KCNIP4: variants seen among roughly 807,000 people sequenced by gnomAD.
KCNIP4 encodes potassium voltage-gated channel interacting protein 4, also known as Kv channel-interacting protein 4.
In KCNIP4, 12 loss-of-function variants were observed where a neutral mutation model predicts 34.0. That is an observed-to-expected ratio of 0.35 (90% confidence interval 0.23 to 0.57). KCNIP4 has a LOEUF of 0.57. KCNIP4 is among the 20% of genes least tolerant of loss of function. KCNIP4 has a pLI of 0.83. For missense variants in KCNIP4, 238 were observed against 311.7 expected (o/e 0.76, Z 1.78); for synonymous variants, 124 against 102.2 (o/e 1.21, Z -1.29).
chr4:20,978,487 G>A (rs577210037), intron 1 of KCNIP4, among the ~76,000 whole-genome samples: 29 of 152,204 alleles, frequency 1.9e-4, no homozygotes, highest in South Asian at 4.1e-4. Context: ...GAGTAAAACA[G>A]TCAACTCCTA....
chr4:21,107,618 A>C (rs1430316240), intron 1 of KCNIP4, among the ~76,000 whole-genome samples: 1 of 149,044 alleles, frequency 6.7e-6, no homozygotes, highest in Admixed American at 6.7e-5. Flanking sequence ...TAATATTGTT[A>C]TGTATGAATT....
chr4:21,789,324 G>T (rs902759142), intron 1 of KCNIP4, among the ~76,000 whole-genome samples: 3 of 152,090 alleles, frequency 2.0e-5, no homozygotes, highest in Non-Finnish European at 4.4e-5. Flanking sequence ...TAAATTTCAG[G>T]TGCAGCATTT....
At chr4:21,223,959 A>G (rs1314730033) in intron 1 of KCNIP4, among the ~76,000 whole-genome samples, 1 of 152,056 alleles carries the variant, frequency 6.6e-6, no homozygotes, top group Non-Finnish European at 1.5e-5. Flanking sequence ...TCCTAAGGCC[A>G]CCTGCTTATC....
chr4:21,240,868 T>C (rs909572598), intron 1 of KCNIP4, among the ~76,000 whole-genome samples: 2 of 152,118 alleles, frequency 1.3e-5, no homozygotes, highest in African/African-American at 4.8e-5. Context: ...TGCTTTAATG[T>C]TGAAGTTTTT....
intron 1 of KCNIP4, among the ~76,000 whole-genome samples, chr4:21,754,508 G>A (rs1470726402): frequency 2.0e-5 from 3 of 152,144 alleles, no homozygotes; most frequent in African/African-American, 7.2e-5. Context: ...CATTATTCCT[G>A]TTTTTCAAAT....
chr4:20,745,524 C>G (rs748651949), intron 5 of KCNIP4, among the ~76,000 whole-genome samples: 1 of 152,160 alleles, frequency 6.6e-6, no homozygotes, highest in African/African-American at 2.4e-5. Flanking sequence ...AAGTGACAAA[C>G]TTAACAACAA....
intron 1 of KCNIP4, among the ~76,000 whole-genome samples, chr4:20,930,393 A>ACTTAAGC: frequency 1.3e-5 from 2 of 152,188 alleles, no homozygotes; most frequent in South Asian, 4.1e-4. Context: ...GTAAGATGTG[A>ACTTAAGC]AACCATAAAA....
intron 1 of KCNIP4, among the ~76,000 whole-genome samples, chr4:21,870,985 G>C (rs1461432256): frequency 6.6e-6 from 1 of 151,412 alleles, no homozygotes; most frequent in Non-Finnish European, 1.5e-5. Context: ...ACTAGTAAAG[G>C]AAAAAAAGAA....
At chr4:21,340,340 T>C (rs1358872858) in intron 1 of KCNIP4, among the ~76,000 whole-genome samples, 1 of 152,184 alleles carries the variant, frequency 6.6e-6, no homozygotes, top group Non-Finnish European at 1.5e-5. Flanking sequence ...AAAAACCTTG[T>C]CAGTATTAAC....
At chr4:21,797,267 T>A (rs1229519027) in intron 1 of KCNIP4, among the ~76,000 whole-genome samples, 1 of 152,198 alleles carries the variant, frequency 6.6e-6, no homozygotes, top group Non-Finnish European at 1.5e-5. Context: ...CGGGCCACTG[T>A]GTGGCTAGGA....
intron 1 of KCNIP4, among the ~76,000 whole-genome samples, chr4:21,819,747 C>G (rs749305896): frequency 6.6e-6 from 1 of 152,044 alleles, no homozygotes; most frequent in East Asian, 1.9e-4. Flanking sequence ...GAAGATGGAA[C>G]GAGGTTTAAT....
At chr4:20,764,370 G>A (rs1003038409) in intron 3 of KCNIP4, among the ~76,000 whole-genome samples, 1 of 151,958 alleles carries the variant, frequency 6.6e-6, no homozygotes, top group Non-Finnish European at 1.5e-5. Context: ...TTTAGTGACT[G>A]CATAATAATG....
At chr4:21,394,947 G>A (rs1722862660) in intron 1 of KCNIP4, among the ~76,000 whole-genome samples, 1 of 12,510 alleles carries the variant, frequency 8.0e-5, no homozygotes, top group African/African-American at 1.2e-4. Flanking sequence ...ACAAAGCACT[G>A]GGCTCACAAG....
chr4:20,837,686 A>ATATATTTTTTT (rs1350419753), intron 3 of KCNIP4, among the ~76,000 whole-genome samples: 1 of 117,400 alleles, frequency 8.5e-6, no homozygotes, highest in African/African-American at 3.4e-5. Flanking sequence ...ATATATATAT[A>ATATATTTTTTT]TTTTTTTTTC....
intron 1 of KCNIP4, among the ~76,000 whole-genome samples, chr4:21,856,603 T>G (rs1200446718): frequency 1.3e-5 from 2 of 152,242 alleles, no homozygotes; most frequent in East Asian, 3.9e-4. Context: ...GGCATGCCTG[T>G]GCACTTGGGG....
intron 1 of KCNIP4, among the ~76,000 whole-genome samples, chr4:21,325,302 T>C (rs962644673): frequency 2.0e-5 from 3 of 151,822 alleles, no homozygotes; most frequent in African/African-American, 7.2e-5. Flanking sequence ...TGCTAAGGTT[T>C]TGGGTTTCTT....
At chr4:21,564,543 C>A (rs982551373) in intron 1 of KCNIP4, among the ~76,000 whole-genome samples, 1 of 152,106 alleles carries the variant, frequency 6.6e-6, no homozygotes, top group Non-Finnish European at 1.5e-5. Flanking sequence ...ATCTTAAAAG[C>A]AAGCCACTAG....
chr4:21,928,250 T>C (rs1053435988), intron 1 of KCNIP4, among the ~76,000 whole-genome samples: 1 of 152,046 alleles, frequency 6.6e-6, no homozygotes, highest in Admixed American at 6.6e-5. Flanking sequence ...CCTAATTCCC[T>C]GAGTCACCCT....
intron 1 of KCNIP4, among the ~76,000 whole-genome samples, chr4:21,205,146 G>A (rs1402320738): frequency 1.3e-5 from 2 of 152,142 alleles, no homozygotes; most frequent in Non-Finnish European, 2.9e-5. Flanking sequence ...GAACCTCATT[G>A]TTCTACAATT....
Sources: gnomAD v4.1 joint callset for allele counts (sites outside exome capture counted in the v4.1 genomes callset) on GRCh38, gnomAD v4.1.1 for gene constraint, MANE v1.5 for transcripts, NCBI Gene and HGNC (gene_info 2026-07-23, HGNC 2026-07-21) for gene names.